Variants in CDH12 observed in about 807,000 individuals in gnomAD.
CDH12 encodes cadherin 12, also known as cadherin-12.
In CDH12, 41 loss-of-function variants were observed where a neutral mutation model predicts 74.1. The ratio of observed to expected loss-of-function variants is 0.55; its 90% CI spans 0.43 to 0.72. The LOEUF (loss-of-function observed/expected upper bound fraction) is 0.72. Among genes scored for constraint, CDH12 ranks in the 30% least tolerant of loss-of-function variants. The pLI, the probability that CDH12 is intolerant of heterozygous loss-of-function variation, is 0.00. For synonymous variants in CDH12, 399 were observed against 355.0 expected (o/e 1.12, Z -1.39); for missense variants, 945 against 977.2 (o/e 0.97, Z 0.44).
At chr5:21,925,583 T>C (rs759748794) in intron 6 of CDH12, among the ~76,000 whole-genome samples, 1 of 152,212 alleles carries the variant, frequency 6.6e-6, no homozygotes, top group African/African-American at 2.4e-5. Flanking sequence ...AGTAACACTA[T>C]CAGTTATAAG....
intron 4 of CDH12, among the ~76,000 whole-genome samples, chr5:22,104,252 T>C (rs1307221717): frequency 6.6e-6 from 1 of 152,172 alleles, no homozygotes; most frequent in Non-Finnish European, 1.5e-5. Context: ...AATAATTAGC[T>C]CTCAAGTAGC....
At chr5:22,845,501 A>C (rs1486859047) in intron 1 of CDH12, among the ~76,000 whole-genome samples, 3 of 152,114 alleles carry the variant, frequency 2.0e-5, no homozygotes, top group African/African-American at 7.2e-5. Context: ...GAGGGCTGCT[A>C]TGTGCCCTCT....
intron 3 of CDH12, among the ~76,000 whole-genome samples, chr5:22,336,202 A>G (rs551066894): frequency 6.6e-6 from 1 of 152,352 alleles, no homozygotes; most frequent in East Asian, 1.9e-4. Flanking sequence ...GCAGCAAATC[A>G]TTCAAGAGGT....
At position 21,796,708 on chromosome 5, in the gene CDH12, T is replaced by A. The variant is rs961907119; in HGVS notation, c.1256+5459A>T. ...TAAATTTATTCCAAGGATAACAGAC[T>A]TTTATACGTTTGGAACAAAAGAAAA... On this transcript the variant is annotated intron_variant, in intron 10 of 14. Coordinates refer to ENST00000382254, the MANE Select transcript of CDH12 (RefSeq NM_004061.5). Among the ~76,000 whole-genome samples, 3 of 152,210 alleles carry A rather than the reference T, an allele frequency of 2.0e-5. No homozygotes were observed. In the East Asian group the frequency reaches 5.8e-4, roughly 29 times the overall value.
chr5:21,973,437 T>C lies in CDH12; in HGVS notation c.526+1654A>G, dbSNP rs999163115. 7.4e-4 allele frequency among the ~76,000 whole-genome samples: 112 copies of C among 152,298 alleles called. 1 individual carries two copies. Among genetic ancestry groups the C allele is most frequent in the African/African-American group, 2.3e-3 (96 of 41,564 alleles). On this transcript the variant is annotated intron_variant, in intron 6 of 14. Coordinates refer to ENST00000382254, the MANE Select transcript of CDH12 (RefSeq NM_004061.5). ...TCTGCTTTCTCACTTACCTACACTT[T>C]TGACTTTCCAAATATATTTCTCTCT...
At chr5:22,014,693 A>G (rs1438127525) in intron 5 of CDH12, among the ~76,000 whole-genome samples, 1 of 152,126 alleles carries the variant, frequency 6.6e-6, no homozygotes, top group Non-Finnish European at 1.5e-5. Context: ...AAAATATGAT[A>G]AAATTTTACC....
intron 7 of CDH12, among the ~76,000 whole-genome samples, chr5:21,851,255 A>G (rs1750451900): frequency 1.3e-5 from 2 of 151,298 alleles, no homozygotes; most frequent in Non-Finnish European, 1.5e-5. Context: ...CATTAACAGA[A>G]TTTTAAGACT....
intron 1 of CDH12, among the ~76,000 whole-genome samples, chr5:22,559,416 A>C (rs937640941): frequency 3.3e-5 from 5 of 152,130 alleles, no homozygotes; most frequent in Non-Finnish European, 5.9e-5. Flanking sequence ...GCAATGTAAA[A>C]GTTTTGACTA....
At chr5:22,056,039 T>G (rs1277309309) in intron 5 of CDH12, among the ~76,000 whole-genome samples, 1 of 152,116 alleles carries the variant, frequency 6.6e-6, no homozygotes, top group African/African-American at 2.4e-5. Context: ...TTTTAAAAGT[T>G]TACTATATAT....
intron 4 of CDH12, among the ~76,000 whole-genome samples, chr5:22,176,913 T>G (rs1267527224): frequency 6.6e-6 from 1 of 152,120 alleles, no homozygotes; most frequent in Non-Finnish European, 1.5e-5. Context: ...GATATCTTCA[T>G]GCTTTGCCTC....
Position 22,090,710 on chromosome 5 carries a change from C to T in CDH12, c.-186-11848G>A, listed in dbSNP as rs537498451. On this transcript the variant is annotated intron_variant, in intron 4 of 14. Transcript: ENST00000382254. ...CTGGCACAGCAAATCCAGCAAAATACGAAAGAGATTATACACTATGACCAA... is the reference window on the plus strand; with the variant it reads ...CTGGCACAGCAAATCCAGCAAAATATGAAAGAGATTATACACTATGACCAA... Among the ~76,000 whole-genome samples the T allele has an allele frequency of 7.3e-5, 11 of 151,572 alleles. No individual in the cohort carries two copies. In the East Asian group the frequency reaches 1.4e-3, roughly 19 times the overall value.
intron 1 of CDH12, among the ~76,000 whole-genome samples, chr5:22,551,718 C>A (rs567935953): frequency 2.4e-4 from 35 of 148,398 alleles, no homozygotes; most frequent in Admixed American, 1.2e-3. Context: ...AAGAAGCAAC[C>A]CATTATAAAA....
chr5:22,048,493 A>G (rs1042246962), intron 5 of CDH12, among the ~76,000 whole-genome samples: 2 of 152,192 alleles, frequency 1.3e-5, no homozygotes, highest in Admixed American at 6.6e-5. Flanking sequence ...AGTACAGGTA[A>G]AGATGCTAAA....
At chr5:22,836,791 C>G (rs1427542688) in intron 1 of CDH12, among the ~76,000 whole-genome samples, 1 of 152,072 alleles carries the variant, frequency 6.6e-6, no homozygotes, top group Non-Finnish European at 1.5e-5. Context: ...AAAGTGATCC[C>G]TACAATGAAT....
rs1029694387 is a variant in CDH12 at position 21,889,543 on chromosome 5, G to A, written c.527-34753C>T. On this transcript the variant is annotated intron_variant, in intron 6 of 14. Coordinates refer to ENST00000382254, the MANE Select transcript of CDH12 (RefSeq NM_004061.5). Reference sequence around the variant, plus strand: ...TCCAATGTTCTGAAGCTAGACTCCTGAAGCTGTTTTTACAGAAGCAAAGTG... The same window carrying A: ...TCCAATGTTCTGAAGCTAGACTCCTAAAGCTGTTTTTACAGAAGCAAAGTG... 19 of 970,576 alleles carry A rather than the reference G, an allele frequency of 2.0e-5. No homozygotes were observed. In the African/African-American group the frequency reaches 3.2e-4, roughly 16 times the overall value. 60.1% of individuals were successfully genotyped at this position (970,576 alleles called of 1,614,324 possible).
chr5:22,143,759 T>C (rs1008124260), intron 4 of CDH12: 3 of 152,146 alleles, frequency 2.0e-5, no homozygotes, highest in African/African-American at 7.2e-5. Flanking sequence ...AGAAAAAAAA[T>C]CTTTCAGATA....
chr5:22,376,238 G>T (rs2126363613), intron 3 of CDH12, among the ~76,000 whole-genome samples: 1 of 152,174 alleles, frequency 6.6e-6, no homozygotes, highest in Non-Finnish European at 1.5e-5. Context: ...TCACATGTGG[G>T]AGTCACAAAC....
chr5:22,325,947 T>C (rs1392398859), intron 3 of CDH12, among the ~76,000 whole-genome samples: 1 of 151,946 alleles, frequency 6.6e-6, no homozygotes, highest in East Asian at 1.9e-4. Context: ...TAATCACAAG[T>C]AATAAAGCTA....
intron 2 of CDH12, among the ~76,000 whole-genome samples, chr5:22,412,683 T>A (rs1438275405): frequency 6.6e-6 from 1 of 151,846 alleles, no homozygotes; most frequent in African/African-American, 2.4e-5. Context: ...AAAAGCTGCT[T>A]AATATTGAGG....
Sources: gnomAD v4.1 joint callset for allele counts (sites outside exome capture counted in the v4.1 genomes callset) on GRCh38, gnomAD v4.1.1 for gene constraint, MANE v1.5 for transcripts, NCBI Gene and HGNC (gene_info 2026-07-23, HGNC 2026-07-21) for gene names.